The following PDE6A variants were observed in gnomAD, a reference collection of about 807,000 sequenced individuals.
PDE6A encodes rod cGMP-specific 3',5'-cyclic phosphodiesterase subunit alpha.
PDE6A carries 84 observed loss-of-function variants against 106.3 expected under a neutral mutation model. The observed-to-expected ratio is 0.79, with a 90% CI of 0.66 to 0.95. PDE6A has a LOEUF of 0.95. Among genes scored for constraint, PDE6A ranks in the 40% least tolerant of loss-of-function variants. The probability of loss-of-function intolerance (pLI) is 0.00; values close to 1 mark genes in which losing one functional copy is unlikely to be tolerated. For missense variants in PDE6A, 1,052 were observed against 1,084.9 expected (o/e 0.97, Z 0.43); for synonymous variants, 394 against 386.6 (o/e 1.02, Z -0.23).
At chr5:149,906,016 C>T (rs961918319) in intron 7 of PDE6A, among the ~76,000 whole-genome samples, 4 of 151,984 alleles carry the variant, frequency 2.6e-5, no homozygotes, top group Non-Finnish European at 5.9e-5. Flanking sequence ...CACCACCATG[C>T]CTGGCTAATT....
At chr5:149,861,130 G>A (rs1321439165) in intron 21 of PDE6A, among the ~76,000 whole-genome samples, 159 bp from the exon 22 acceptor site, 4 of 146,112 alleles carry the variant, frequency 2.7e-5, no homozygotes, top group South Asian at 2.1e-4. Flanking sequence ...GGAGAATCAC[G>A]GAAACAGAAC....
At chr5:149,909,657 G>A (rs1295293693) in intron 6 of PDE6A, among the ~76,000 whole-genome samples, 3 of 152,116 alleles carry the variant, frequency 2.0e-5, no homozygotes, top group African/African-American at 7.2e-5. Flanking sequence ...CTCATTACTT[G>A]TTCAGCCTTT....
At chr5:149,903,906 C>T (rs904047894) in intron 7 of PDE6A, among the ~76,000 whole-genome samples, 28 of 152,316 alleles carry the variant, frequency 1.8e-4, no homozygotes, top group African/African-American at 6.3e-4. Flanking sequence ...TTATGATTTG[C>T]TCCACTCTTG....
chr5:149,934,446 T>A (rs1754128257), intron 2 of PDE6A, 120 bp downstream of exon 2: 19 of 949,418 alleles, frequency 2.0e-5, no homozygotes. Context: ...GAACATCAGG[T>A]GAATTCCCTG....
At chr5:149,913,520 T>G (rs1156255951) in intron 6 of PDE6A, among the ~76,000 whole-genome samples, 1 of 152,084 alleles carries the variant, frequency 6.6e-6, no homozygotes, top group South Asian at 2.1e-4. Flanking sequence ...CCTGAGAACT[T>G]GTTTATCTGG....
rs149428648 is a variant in PDE6A at position 149,863,471 on chromosome 5, C to A, written c.2359-205G>T. On this transcript the variant is annotated intron_variant, in intron 20 of 21. Coordinates refer to ENST00000255266, the MANE Select transcript of PDE6A (RefSeq NM_000440.3). The surrounding 1 kb of genome is among the most constrained non-coding windows in gnomAD (Gnocchi z 4.7). ...AGAAGCCTCCTGTGGCGCCCCTGTCCTTCAGCATGAAGTGAAAACCCCTTA... is the reference window on the plus strand; with the variant it reads ...AGAAGCCTCCTGTGGCGCCCCTGTCATTCAGCATGAAGTGAAAACCCCTTA... Among the ~76,000 whole-genome samples the A allele has an allele frequency of 6.6e-6, 1 of 152,324 alleles. No homozygotes were observed. Among genetic ancestry groups the A allele is most frequent in the Non-Finnish European group, 1.5e-5 (1 of 68,034 alleles).
At chr5:149,905,703 T>C (rs575241083) in intron 7 of PDE6A, among the ~76,000 whole-genome samples, 3 of 152,326 alleles carry the variant, frequency 2.0e-5, no homozygotes, top group African/African-American at 7.2e-5. Context: ...AAGCACCCAG[T>C]GGCTGTTAGC....
chr5:149,883,041 G>C (rs1760987233), intron 17 of PDE6A, among the ~76,000 whole-genome samples: 1 of 152,202 alleles, frequency 6.6e-6, no homozygotes. Context: ...CTGGGCGACA[G>C]AGCGAGACTC....
chr5:149,932,087 A>T, intron 3 of PDE6A: 1 of 1,370,322 alleles, frequency 7.3e-7, no homozygotes, highest in Non-Finnish European at 1.0e-6. Flanking sequence ...CTCTTTTAGC[A>T]CGTTCTTTGT....
intron 1 of PDE6A, among the ~76,000 whole-genome samples, chr5:149,936,158 A>AAAGGAATGAAGG (rs1554092689): frequency 1.5e-5 from 2 of 130,636 alleles, no homozygotes; most frequent in African/African-American, 6.4e-5. Context: ...TGTCTCTAAA[A>AAAGGAATGAAGG]AAGGAAGGAA....
chr5:149,912,801 T>C (rs1482917452), intron 6 of PDE6A, among the ~76,000 whole-genome samples: 1 of 152,132 alleles, frequency 6.6e-6, no homozygotes, highest in Non-Finnish European at 1.5e-5. Context: ...GAAACAAAGA[T>C]TTGTGTCAGA....
In PDE6A at chr5:149,929,893, C is replaced by T. The variant is rs141931298; in HGVS notation, c.858+1135G>A. 7.0e-3 allele frequency among the ~76,000 whole-genome samples: 1,066 copies of T among 152,132 alleles called. 14 individuals carry two copies. The highest frequency in any genetic ancestry group is 0.024 in the African/African-American group (1,009 of 41,518). ...TATATCAGCAGCTATAATTAATGTC[C>T]CTTTTCTGTGTCTACGTTGTCCTTC... On this transcript the variant is annotated intron_variant, in intron 4 of 21. Transcript: ENST00000255266.
At chr5:149,909,497 C>A (rs760696136) in intron 6 of PDE6A, among the ~76,000 whole-genome samples, 5 of 152,314 alleles carry the variant, frequency 3.3e-5, no homozygotes, top group South Asian at 2.1e-4. Flanking sequence ...GTAGCTCCCC[C>A]ACTAATAGCA....
intron 5 of PDE6A, among the ~76,000 whole-genome samples, chr5:149,915,511 G>A (rs149289826): frequency 2.6e-3 from 400 of 152,286 alleles, no homozygotes; most frequent in African/African-American, 9.1e-3. Context: ...CTCCAAGGAT[G>A]TGCCTGGGCT....
intron 5 of PDE6A, 132 bp downstream of exon 5, chr5:149,921,503 T>C (rs950320531): frequency 1.4e-6 from 1 of 693,384 alleles, no homozygotes; most frequent in Non-Finnish European, 2.6e-6. Context: ...TGAGAGATTA[T>C]TCTAACTTCA....
intron 17 of PDE6A, among the ~76,000 whole-genome samples, chr5:149,878,171 C>A (rs1760807277): frequency 6.6e-6 from 1 of 152,138 alleles, no homozygotes; most frequent in African/African-American, 2.4e-5. Flanking sequence ...AATGCTGATT[C>A]CCTTAAGGCT....
At chr5:149,877,709 C>T (rs1279894172) in intron 17 of PDE6A, among the ~76,000 whole-genome samples, 3 of 152,200 alleles carry the variant, frequency 2.0e-5, no homozygotes, top group African/African-American at 4.8e-5. Context: ...GGGCCCAGCC[C>T]CTTCCTTAGA....
intron 14 of PDE6A, 138 bp downstream of exon 14, chr5:149,886,127 C>T (rs1308989423): frequency 1.8e-5 from 13 of 710,626 alleles, no homozygotes; most frequent in South Asian, 1.6e-4. Flanking sequence ...CAGGAGGAGA[C>T]CCGGATCCCA....
rs745516870 is a variant in PDE6A, at chr5:149,896,698, C to T, written c.1473+13G>A. ...TTATACATCGGGGCTCGTGCTGCCCCGGTTCAGCTCACCAGGATCTCAGCC... is the reference window on the plus strand; with the variant it reads ...TTATACATCGGGGCTCGTGCTGCCCTGGTTCAGCTCACCAGGATCTCAGCC... On this transcript the variant is annotated intron_variant, in intron 11 of 21. Coordinates refer to ENST00000255266, the MANE Select transcript of PDE6A (RefSeq NM_000440.3). 89 of 1,614,032 alleles carry T rather than the reference C, an allele frequency of 5.5e-5. No homozygotes were observed. The Middle Eastern group carries it at 6.6e-4, about 12-fold the overall frequency.
Sources: gnomAD v4.1 joint callset for allele counts (sites outside exome capture counted in the v4.1 genomes callset) on GRCh38, gnomAD v4.1.1 for gene constraint, Gnocchi (gnomAD v3.1) non-coding constraint, MANE v1.5 for transcripts, NCBI Gene and HGNC (gene_info 2026-07-23, HGNC 2026-07-21) for gene names.